The following PKHD1 variants were observed in gnomAD, a reference collection of about 807,000 sequenced individuals.
PKHD1 encodes the protein fibrocystin.
Under a neutral mutation model 412.0 loss-of-function variants are expected in PKHD1, and 291 were observed. The ratio of observed to expected loss-of-function variants is 0.71; its 90% CI spans 0.64 to 0.78. The LOEUF is 0.78. Among genes scored for constraint, PKHD1 ranks in the 30% least tolerant of loss-of-function variants. PKHD1 has a pLI of 0.00. For missense variants in PKHD1, 4,825 were observed against 4,950.7 expected (o/e 0.97, Z 0.76); for synonymous variants, 1,777 against 1,821.5 (o/e 0.98, Z 0.62).
chr6:52,013,130 A>G (rs1477729388), intron 34 of PKHD1, among the ~76,000 whole-genome samples: 3 of 152,196 alleles, frequency 2.0e-5, no homozygotes, highest in Admixed American at 6.5e-5. Flanking sequence ...ACTCAAGGAA[A>G]GTAGTGACCA....
At chr6:51,693,044 T>G (rs953089056) in intron 60 of PKHD1, among the ~76,000 whole-genome samples, 1 of 152,216 alleles carries the variant, frequency 6.6e-6, no homozygotes, top group African/African-American at 2.4e-5. Context: ...TTTGCTGTTT[T>G]GGTGGCTTTC....
Position 51,855,900 on chromosome 6 carries a change from G to A in PKHD1, c.7904C>T (p.Ser2635Phe), listed in dbSNP as rs144300382. 3 of 1,612,474 alleles carry A rather than the reference G, an allele frequency of 1.9e-6. No homozygotes were observed. The highest frequency in any genetic ancestry group is 2.5e-6 in the Non-Finnish European group (3 of 1,178,472). Residue 2635 changes from serine to phenylalanine, a missense_variant, in exon 49 of 67, where the codon TCT (serine) becomes TTT (phenylalanine). Physicochemically the swap from Ser to Phe is radical, Grantham distance 155. Transcript: ENST00000371117. ...LQSENLWINR[S>F]LQYSATFDNF... ...ATGGATTCCTTGGGTTACCTGCAGA[G>A]ATCTGTTGATCCAAAGGTTCTCAGA...
rs575299907 is a variant in PKHD1, at chr6:52,028,812, T to G, written c.3365-461A>C. Among the ~76,000 whole-genome samples the G allele has an allele frequency of 4.6e-5, 7 of 152,320 alleles. No homozygotes were observed. In the South Asian group the frequency reaches 1.4e-3, roughly 32 times the overall value. ...CAGGGGTAAGCCACCTTGCCTGGCT[T>G]AACAACTCTTTTAACAGAGATATGG... On this transcript the variant is annotated intron_variant, in intron 29 of 66. Transcript: ENST00000371117.
At chr6:51,856,594 G>A (rs1773347673) in intron 48 of PKHD1, among the ~76,000 whole-genome samples, 1 of 152,152 alleles carries the variant, frequency 6.6e-6, no homozygotes, top group African/African-American at 2.4e-5. Context: ...ACAGAGGCCT[G>A]GGACCTGACA....
At chr6:51,651,875 C>T (rs1265608408) in intron 61 of PKHD1, among the ~76,000 whole-genome samples, 1 of 152,050 alleles carries the variant, frequency 6.6e-6, no homozygotes, top group Non-Finnish European at 1.5e-5. Flanking sequence ...ACGGGAGTCA[C>T]CTGATGCCTT....
chr6:52,008,509 A>G (rs1320463450), intron 35 of PKHD1, among the ~76,000 whole-genome samples: 1 of 152,236 alleles, frequency 6.6e-6, no homozygotes, highest in Non-Finnish European at 1.5e-5. Context: ...GGATTTTTAA[A>G]TGAGTGAGGC....
rs751018435 is a variant in PKHD1, at chr6:52,048,611, G to A, written c.2288C>T (p.Pro763Leu). Residue 763 changes from proline to leucine, a missense_variant, in exon 23 of 67, where the codon CCC (proline) becomes CTC (leucine). Transcript: ENST00000371117. ...AGATCCCTCTTCTGTTCCTTCAGTG[G>A]GCACAGAGCTGTGGCACGTCAGAAA... ...ELPLITARSVPTEGTEEGSGL... is the reference protein window; with the variant it reads ...ELPLITARSVLTEGTEEGSGL... 6.2e-7 allele frequency: 1 copy of A among 1,614,038 alleles called. No homozygotes were observed. Among genetic ancestry groups the A allele is most frequent in the South Asian group, 1.1e-5 (1 of 91,078 alleles).
rs201514497 is a variant in PKHD1, at chr6:51,855,970, C to A, written c.7834G>T (p.Gly2612Cys). The A allele has an allele frequency of 6.2e-6, 10 of 1,613,242 alleles. No individual in the cohort carries two copies. The highest frequency in any genetic ancestry group is 8.5e-6 in the Non-Finnish European group (10 of 1,179,170). ...YVRDTLSNPRGWMALLLDQET... is the reference protein window; with the variant it reads ...YVRDTLSNPRCWMALLLDQET... Reference sequence around the variant, plus strand: ...TGGTCCAAGAGCAGAGCCATCCAGCCACGAGGGTTAGACAATGTATCACGT... The same window carrying A: ...TGGTCCAAGAGCAGAGCCATCCAGCAACGAGGGTTAGACAATGTATCACGT... Residue 2612 changes from glycine (G) to cysteine (C), a missense_variant, in exon 49 of 67, where the codon GGC becomes TGC. Physicochemically the swap from Gly to Cys is radical, Grantham distance 159. Transcript: ENST00000371117.
chr6:52,083,176 A>T lies in PKHD1; in HGVS notation c.130+2T>A. The T allele has an allele frequency of 6.3e-7, 1 of 1,590,266 alleles. No homozygotes were observed. Among genetic ancestry groups the T allele is most frequent in the Non-Finnish European group, 8.6e-7 (1 of 1,158,304 alleles). On this transcript the variant is annotated splice_donor_variant, in intron 3 of 66. Coordinates refer to ENST00000371117, the MANE Select transcript of PKHD1 (RefSeq NM_138694.4). LOFTEE classifies it high-confidence loss of function. The stretch of plus-strand genomic sequence containing the variant: ...TGTGCACTTGGTAAAACCCCAACCT[A>T]CCATCAAAAATGACTGTGATCCACG...
chr6:51,669,351 T>G (rs1349331017), intron 60 of PKHD1, among the ~76,000 whole-genome samples: 1 of 152,204 alleles, frequency 6.6e-6, no homozygotes, highest in Non-Finnish European at 1.5e-5. Context: ...TTTGTAGTAT[T>G]CTCTGATGGT....
At chr6:51,832,785 AT>A (rs755021099) in intron 51 of PKHD1, among the ~76,000 whole-genome samples, 1 of 152,108 alleles carries the variant, frequency 6.6e-6, no homozygotes, top group Non-Finnish European at 1.5e-5. Flanking sequence ...ACACTTAGTT[AT>A]TTTTTCTACC....
intron 42 of PKHD1, 96 bp from the exon 43 acceptor site, chr6:51,903,823 A>G: frequency 1.4e-6 from 1 of 725,968 alleles, no homozygotes; most frequent in Non-Finnish European, 2.3e-6. Context: ...GAGTTCACAT[A>G]ATGCATTTCA....
rs1167651182 is a variant in PKHD1, at chr6:51,870,579, T to A, written c.7411A>T (p.Asn2471Tyr). The change falls in exon 47 of 67, where the codon AAC becomes TAC. Residue 2471 changes from asparagine (N) to tyrosine (Y), a missense_variant. Physicochemically the swap from Asn to Tyr is moderately radical, Grantham distance 143 (BLOSUM62 -2). Transcript: ENST00000371117. ...TPKRWELMVS[N>Y]TTFVNFDLIN... Reference sequence around the variant, plus strand: ...AGATCAAAATTAACAAAGGTTGTGTTAGACACCATCAGTTCCCATCTTTTA... The same window carrying A: ...AGATCAAAATTAACAAAGGTTGTGTAAGACACCATCAGTTCCCATCTTTTA... The A allele has an allele frequency of 1.9e-6, 3 of 1,608,706 alleles. No individual in the cohort carries two copies. The African/African-American group carries it at 4.0e-5, about 21-fold the overall frequency.
In PKHD1 at chr6:51,880,944, C is replaced by T. The variant is rs372635189; in HGVS notation, c.7350+2149G>A. Among the ~76,000 whole-genome samples, 29 of 147,236 alleles carry T rather than the reference C, an allele frequency of 2.0e-4. No individual in the cohort carries two copies. The East Asian group carries it at 4.5e-3, about 23-fold the overall frequency. On this transcript the variant is annotated intron_variant, in intron 46 of 66. Transcript: ENST00000371117. The stretch of plus-strand genomic sequence containing the variant: ...TCGCGCCACTGCACTCCAGCCTGGG[C>T]GACAGAGCGAGACTCCGTCTCAAAA...
intron 53 of PKHD1, among the ~76,000 whole-genome samples, chr6:51,783,350 A>C (rs1015676135): frequency 2.7e-5 from 4 of 149,856 alleles, no homozygotes; most frequent in African/African-American, 9.7e-5. Flanking sequence ...AATACAAATA[A>C]ATTTTATAAA....
intron 50 of PKHD1, among the ~76,000 whole-genome samples, chr6:51,839,763 C>T (rs1448813146): frequency 6.6e-6 from 1 of 152,010 alleles, no homozygotes; most frequent in Non-Finnish European, 1.5e-5. Flanking sequence ...TTCCCTATTT[C>T]ACTCTTTCAT....
intron 37 of PKHD1, among the ~76,000 whole-genome samples, chr6:51,918,627 C>T (rs1262391361): frequency 1.3e-5 from 2 of 152,146 alleles, no homozygotes; most frequent in African/African-American, 2.4e-5. Flanking sequence ...CAAGTCTTTG[C>T]TATTGTGAAC....
intron 48 of PKHD1, among the ~76,000 whole-genome samples, chr6:51,856,978 G>A (rs142362204): frequency 8.3e-4 from 127 of 152,250 alleles, no homozygotes; most frequent in Middle Eastern, 6.8e-3. Flanking sequence ...GTATAAAAAC[G>A]TTCAGAAGAA....
rs1766077320 is a variant in PKHD1, at chr6:51,616,502, C to T, written c.*2579G>A. On this transcript the variant is annotated 3_prime_UTR_variant, in exon 67 of 67. Coordinates refer to ENST00000371117, the MANE Select transcript of PKHD1 (RefSeq NM_138694.4). ...AATGAACATAGAGCTGCTCTCTTTG[C>T]TTTTGGTGTTTCCCTAATTCTCTCA... is the stretch of plus-strand genomic sequence containing the variant. 5.1e-6 allele frequency: 2 copies of T among 391,226 alleles called. No individual in the cohort carries two copies. The highest frequency in any genetic ancestry group is 9.0e-6 in the Non-Finnish European group (2 of 222,382). 24.2% of individuals were successfully genotyped at this position (391,226 alleles called of 1,614,324 possible). A position where few individuals can be genotyped will look rare whatever the true frequency, so the allele number is the denominator to read the frequency against.
Sources: gnomAD v4.1 joint callset for allele counts (sites outside exome capture counted in the v4.1 genomes callset) on GRCh38, gnomAD v4.1.1 for gene constraint, MANE v1.5 for transcripts, NCBI Gene and HGNC (gene_info 2026-07-23, HGNC 2026-07-21) for gene names.